Variants in COG5 observed in about 807,000 individuals in gnomAD.
COG5 encodes the protein conserved oligomeric Golgi complex subunit 5.
COG5 carries 86 observed loss-of-function variants against 110.4 expected under a neutral mutation model. The ratio of observed to expected loss-of-function variants is 0.78; its 90% CI spans 0.65 to 0.93. The LOEUF is 0.93. Among genes scored for constraint, COG5 ranks in the 40% least tolerant of loss-of-function variants. The pLI, the probability that COG5 is intolerant of heterozygous loss-of-function variation, is 0.00. For missense variants in COG5, 1,077 were observed against 987.0 expected (o/e 1.09, Z -1.22); for synonymous variants, 360 against 334.6 (o/e 1.08, Z -0.83).
In COG5 at chr7:107,313,557, T is replaced by C. The variant is rs577279858; in HGVS notation, c.1108+10883A>G. ...GTCTCACTGAGCCAAAATCAATGTG[T>C]CAGCAGTATAGTCATGTTCTTTCTG... On this transcript the variant is annotated intron_variant, in intron 11 of 21. Coordinates refer to ENST00000297135, the MANE Select transcript of COG5 (RefSeq NM_006348.5). Among the ~76,000 whole-genome samples the C allele has an allele frequency of 2.0e-3, 300 of 152,292 alleles. 2 individuals are homozygous for C. Among genetic ancestry groups the C allele is most frequent in the African/African-American group, 6.8e-3 (283 of 41,570 alleles).
intron 10 of COG5, among the ~76,000 whole-genome samples, chr7:107,354,973 T>C (rs577213736): frequency 6.6e-6 from 1 of 152,330 alleles, no homozygotes; most frequent in Admixed American, 6.5e-5. Context: ...AGATTTGGCT[T>C]TCCAAATGCT....
intron 6 of COG5, among the ~76,000 whole-genome samples, chr7:107,428,894 T>A (rs1182668654): frequency 6.6e-6 from 1 of 152,204 alleles, no homozygotes; most frequent in East Asian, 1.9e-4. Context: ...CTTGAGCTAC[T>A]AAACACAATT....
intron 5 of COG5, among the ~76,000 whole-genome samples, chr7:107,545,377 A>G (rs1273635479): frequency 6.6e-6 from 1 of 152,202 alleles, no homozygotes; most frequent in African/African-American, 2.4e-5. Flanking sequence ...GAAAGCAACA[A>G]GAGAAAAGAA....
intron 6 of COG5, among the ~76,000 whole-genome samples, chr7:107,415,301 A>G (rs1464537412): frequency 6.6e-6 from 1 of 152,208 alleles, no homozygotes; most frequent in Admixed American, 6.5e-5. Context: ...ATATAAGCAG[A>G]TTATTTACAG....
At chr7:107,503,117 C>T (rs1022225240) in intron 6 of COG5, among the ~76,000 whole-genome samples, 5 of 152,152 alleles carry the variant, frequency 3.3e-5, no homozygotes, top group East Asian at 1.9e-4. Flanking sequence ...TTTTCTCCTA[C>T]GGTTTGTATG....
At chr7:107,314,146 C>T (rs570940986) in intron 11 of COG5, among the ~76,000 whole-genome samples, 7 of 152,044 alleles carry the variant, frequency 4.6e-5, no homozygotes, top group South Asian at 4.1e-4. Flanking sequence ...ACAGGAGACA[C>T]GAGCACAAAC....
At chr7:107,362,842 C>T (rs1813244085) in intron 8 of COG5, among the ~76,000 whole-genome samples, 1 of 148,536 alleles carries the variant, frequency 6.7e-6, no homozygotes, top group Admixed American at 6.7e-5. Context: ...TAAAACTGAA[C>T]ATAAACACAT....
chr7:107,403,728 C>T (rs1213090205), intron 7 of COG5, among the ~76,000 whole-genome samples: 1 of 152,096 alleles, frequency 6.6e-6, no homozygotes, highest in African/African-American at 2.4e-5. Context: ...TAATCCCATT[C>T]AAGAGAGTCC....
chr7:107,503,217 G>T (rs985942511), intron 6 of COG5, among the ~76,000 whole-genome samples: 1 of 152,064 alleles, frequency 6.6e-6, no homozygotes, highest in Admixed American at 6.6e-5. Flanking sequence ...TCTACATGTG[G>T]CTAGCCAGTT....
chr7:107,240,605 A>G (rs1349571524), intron 17 of COG5, among the ~76,000 whole-genome samples: 1 of 152,224 alleles, frequency 6.6e-6, no homozygotes, highest in Non-Finnish European at 1.5e-5. Context: ...TTACTTAGGA[A>G]TAGGTGTGGA....
chr7:107,387,426 C>A (rs1487875843), intron 7 of COG5, among the ~76,000 whole-genome samples: 2 of 152,254 alleles, frequency 1.3e-5, no homozygotes, highest in Non-Finnish European at 2.9e-5. Context: ...CTGCTCAGCT[C>A]TCCAGCTCCG....
chr7:107,318,028 T>C (rs746680097), intron 11 of COG5, among the ~76,000 whole-genome samples: 92 of 152,188 alleles, frequency 6.0e-4, no homozygotes, highest in Non-Finnish European at 8.7e-4. Context: ...TTTTCTTTCT[T>C]TCTTTCTTTC....
intron 14 of COG5, among the ~76,000 whole-genome samples, chr7:107,266,199 G>A (rs1803789695): frequency 1.3e-5 from 2 of 152,130 alleles, no homozygotes; most frequent in Admixed American, 6.5e-5. Flanking sequence ...GGTTTACACA[G>A]GAATTTGTCA....
At chr7:107,421,639 A>C (rs1337254872) in intron 6 of COG5, among the ~76,000 whole-genome samples, 1 of 151,826 alleles carries the variant, frequency 6.6e-6, no homozygotes, top group Non-Finnish European at 1.5e-5. Context: ...AAAATACAAA[A>C]ATTAGCCACA....
intron 7 of COG5, among the ~76,000 whole-genome samples, chr7:107,390,579 G>T (rs914113234): frequency 1.3e-5 from 2 of 151,724 alleles, no homozygotes; most frequent in Admixed American, 6.6e-5. Context: ...CAGATGTAAA[G>T]CAACTTAAAA....
At chr7:107,208,761 C>T (rs576957675) in intron 21 of COG5, 26 of 985,332 alleles carry the variant, frequency 2.6e-5, no homozygotes, top group African/African-American at 8.7e-5. Context: ...TCCACACATA[C>T]GCCCAGAGGG....
chr7:107,560,424 C>G (rs1458224912), intron 1 of COG5, among the ~76,000 whole-genome samples: 1 of 152,164 alleles, frequency 6.6e-6, no homozygotes, highest in Non-Finnish European at 1.5e-5. Flanking sequence ...GACTTAGTGA[C>G]AAGCTGAAAA....
chr7:107,371,531 A>T (rs1814165925), intron 8 of COG5, among the ~76,000 whole-genome samples: 1 of 152,192 alleles, frequency 6.6e-6, no homozygotes, highest in Non-Finnish European at 1.5e-5. Context: ...ATTCAATATG[A>T]GTTATTCCAT....
chr7:107,223,754 A>G (rs1800121976), intron 19 of COG5, among the ~76,000 whole-genome samples: 1 of 152,314 alleles, frequency 6.6e-6, no homozygotes, highest in Non-Finnish European at 1.5e-5. Context: ...GGTTACAAGC[A>G]CAGGCTTTGG....
Sources: gnomAD v4.1 joint callset for allele counts (sites outside exome capture counted in the v4.1 genomes callset) on GRCh38, gnomAD v4.1.1 for gene constraint, MANE v1.5 for transcripts, NCBI Gene and HGNC (gene_info 2026-07-23, HGNC 2026-07-21) for gene names.